FMN2: variants seen among roughly 807,000 people sequenced by gnomAD.
FMN2 encodes the protein formin-2.
In FMN2, 51 loss-of-function variants were observed where a neutral mutation model predicts 142.3. The ratio of observed to expected loss-of-function variants is 0.36; its 90% CI spans 0.29 to 0.45. The LOEUF is 0.45. Ranked by LOEUF, FMN2 falls within the 20% of genes least tolerant of loss-of-function variation. The probability of loss-of-function intolerance (pLI) is 1.00; values close to 1 mark genes in which losing one functional copy is unlikely to be tolerated. For missense variants in FMN2, 1,936 were observed against 2,122.8 expected, an observed-to-expected ratio of 0.91 and a Z score of 1.73; for synonymous variants, 882 against 869.8, an observed-to-expected ratio of 1.01 and a Z score of -0.25.
chr1:240,300,594 A>G (rs1437851488), intron 8 of FMN2, among the ~76,000 whole-genome samples: 3 of 152,170 alleles, frequency 2.0e-5, no homozygotes, highest in Non-Finnish European at 4.4e-5. Context: ...TAGCATGCTC[A>G]GATGCCCATC....
intron 6 of FMN2, among the ~76,000 whole-genome samples, chr1:240,220,667 T>TGTG (rs1558375225): frequency 1.3e-5 from 2 of 149,094 alleles, no homozygotes; most frequent in Non-Finnish European, 1.5e-5. Context: ...GAGTCTGTGT[T>TGTG]TGTGTGTGTG....
chr1:240,337,143 C>T (rs115907749), intron 13 of FMN2, among the ~76,000 whole-genome samples: 4,268 of 144,924 alleles, frequency 0.029, 182 homozygotes, highest in African/African-American at 0.1. Flanking sequence ...ATTTTAGGAA[C>T]AATTACTTTG....
At chr1:240,220,765 A>G (rs1046939252) in intron 6 of FMN2, among the ~76,000 whole-genome samples, 7 of 152,028 alleles carry the variant, frequency 4.6e-5, no homozygotes, top group East Asian at 1.9e-4. Context: ...TGTGCAGAAC[A>G]TGCAGGTTTG....
At chr1:240,371,088 G>T (rs528583398) in intron 14 of FMN2, among the ~76,000 whole-genome samples, 28 of 152,028 alleles carry the variant, frequency 1.8e-4, no homozygotes, top group African/African-American at 6.5e-4. Context: ...ACAGGCACAT[G>T]CCACCATGCC....
chr1:240,439,268 C>T (rs192471251), intron 16 of FMN2, among the ~76,000 whole-genome samples: 53 of 17,130 alleles, frequency 3.1e-3, no homozygotes, highest in Non-Finnish European at 4.9e-3. Flanking sequence ...GCAAGGCTGT[C>T]TCAAAAAAAA....
rs201825410 is a variant in FMN2, at chr1:240,407,361, A to G, written c.4910+14799A>G. Among the ~76,000 whole-genome samples the G allele has an allele frequency of 2.0e-5, 3 of 151,650 alleles. No homozygotes were observed. In the East Asian group the frequency reaches 5.8e-4, roughly 30 times the overall value. On this transcript the variant is annotated intron_variant, in intron 15 of 17. Transcript: ENST00000319653. ...ACCATGTTGGCCAGGCTGTTCTCGA[A>G]CTCCCAACGTCAGGTAATCTGCCCG...
At chr1:240,143,214 A>T in intron 2 of FMN2, 1 of 1,590,960 alleles carries the variant, frequency 6.3e-7, no homozygotes, top group African/African-American at 1.3e-5. Flanking sequence ...GCCCATGGCA[A>T]AAATGGAGTT....
intron 16 of FMN2, among the ~76,000 whole-genome samples, chr1:240,456,968 C>A (rs369835608): frequency 4.6e-5 from 7 of 152,190 alleles, no homozygotes; most frequent in African/African-American, 1.7e-4. Context: ...ATTGCCCTGA[C>A]ATAAACCCTT....
chr1:240,346,203 T>G (rs1671903120), intron 13 of FMN2, among the ~76,000 whole-genome samples: 1 of 152,130 alleles, frequency 6.6e-6, no homozygotes, highest in South Asian at 2.1e-4. Flanking sequence ...ACTCTATATG[T>G]ACTATGTTTT....
rs561666205 is a variant in FMN2 at position 240,184,517 on chromosome 1, G to GAT, written c.1931-3690_1931-3689insAT. Among the ~76,000 whole-genome samples the GAT allele has an allele frequency of 7.2e-3, 859 of 119,782 alleles. 16 individuals are homozygous for GAT. The highest frequency in any genetic ancestry group is 0.031 in the South Asian group (113 of 3,626). The allele number at this position is 119,782 out of a possible 152,430, so 78.6% of individuals were successfully genotyped here. A position where few individuals can be genotyped will look rare whatever the true frequency, so the allele number is the denominator to read the frequency against. ...AGATGTGAGCCATTGCGCCCGGCCT[G>GAT]TTTTTTTTTTTTTTTTTTTTTTAAG... On this transcript the variant is annotated intron_variant, in intron 3 of 17. Coordinates refer to ENST00000319653, the MANE Select transcript of FMN2 (RefSeq NM_020066.5).
intron 2 of FMN2, among the ~76,000 whole-genome samples, chr1:240,140,253 A>G (rs2103250764): frequency 6.6e-6 from 1 of 152,332 alleles, no homozygotes; most frequent in East Asian, 1.9e-4. Flanking sequence ...TTAAAAACAC[A>G]TTAAGCTTTC....
intron 4 of FMN2, among the ~76,000 whole-genome samples, chr1:240,190,354 A>G (rs1192243061): frequency 6.6e-6 from 1 of 152,178 alleles, no homozygotes; most frequent in Non-Finnish European, 1.5e-5. Flanking sequence ...TACTTTTGGA[A>G]TCATTAACTC....
chr1:240,471,368 T>A (rs1398023348), intron 16 of FMN2, among the ~76,000 whole-genome samples: 1 of 151,240 alleles, frequency 6.6e-6, no homozygotes, highest in Admixed American at 6.6e-5. Flanking sequence ...AAATTTTCTT[T>A]TTTTTTTTTT....
intron 1 of FMN2, among the ~76,000 whole-genome samples, chr1:240,098,735 G>T: frequency 6.6e-6 from 1 of 152,102 alleles, no homozygotes; most frequent in East Asian, 1.9e-4. Flanking sequence ...CCTTTCTCAT[G>T]GTTTCTTTAG....
chr1:240,402,359 G>A (rs1674020895), intron 15 of FMN2, among the ~76,000 whole-genome samples: 1 of 152,192 alleles, frequency 6.6e-6, no homozygotes, highest in Non-Finnish European at 1.5e-5. Context: ...TCTAGAAAGT[G>A]GAACTTTGAG....
intron 10 of FMN2, among the ~76,000 whole-genome samples, 180 bp downstream of exon 10, chr1:240,329,648 G>A (rs371507067): frequency 1.1e-4 from 17 of 152,236 alleles, no homozygotes; most frequent in Middle Eastern, 6.8e-3. Context: ...ATGTTCCGGC[G>A]GGCGCCCAGG....
chr1:240,280,869 G>A (rs7531591), intron 7 of FMN2, among the ~76,000 whole-genome samples: 14,423 of 152,098 alleles, frequency 0.095, 801 homozygotes, highest in South Asian at 0.15. Context: ...CGTACCCAGT[G>A]TGGTCAAATC....
At chr1:240,298,137 A>G (rs1442213830) in intron 8 of FMN2, among the ~76,000 whole-genome samples, 1 of 152,114 alleles carries the variant, frequency 6.6e-6, no homozygotes, top group Admixed American at 6.5e-5. Flanking sequence ...CTTAATTACA[A>G]TTTTTATTGC....
intron 13 of FMN2, among the ~76,000 whole-genome samples, chr1:240,348,642 C>A (rs149095790): frequency 6.6e-6 from 1 of 151,756 alleles, no homozygotes; most frequent in South Asian, 2.1e-4. Context: ...TGAAAAGAGT[C>A]CCCAGTTGAT....
Sources: gnomAD v4.1 joint callset for allele counts (sites outside exome capture counted in the v4.1 genomes callset) on GRCh38, gnomAD v4.1.1 for gene constraint, MANE v1.5 for transcripts, NCBI Gene and HGNC (gene_info 2026-07-23, HGNC 2026-07-21) for gene names.